GNAL: variants seen among roughly 807,000 people sequenced by gnomAD.
The protein encoded by GNAL is guanine nucleotide-binding protein G(olf) subunit alpha.
A neutral mutation model predicts 55.1 loss-of-function variants in GNAL; 18 were observed. That is an observed-to-expected ratio of 0.33 (90% CI 0.23 to 0.48). GNAL has a LOEUF of 0.48. GNAL is among the 20% of genes least tolerant of loss of function. GNAL has a pLI of 0.99. For missense variants in GNAL, 412 were observed against 614.1 expected (o/e 0.67, Z 3.48); for synonymous variants, 253 against 237.0 (o/e 1.07, Z -0.62).
In GNAL at chr18:11,860,615, T is replaced by A. The variant is rs142812980; in HGVS notation, c.723-1780T>A. 5.2e-3 allele frequency among the ~76,000 whole-genome samples: 797 copies of A among 152,340 alleles called. 5 individuals carry two copies. The highest frequency in any genetic ancestry group is 0.018 in the African/African-American group (742 of 41,584). ...CAAAGAAGCTGTTAGGACCGAGAGC[T>A]AATATACCCTTTTAACAAAAGATGA... On this transcript the variant is annotated intron_variant, in intron 5 of 11. Transcript: ENST00000334049.
At chr18:11,705,415 G>C (rs550729455) in intron 1 of GNAL, among the ~76,000 whole-genome samples, 8 of 152,180 alleles carry the variant, frequency 5.3e-5, no homozygotes, top group Admixed American at 3.3e-4. Context: ...TGCAGCAAAC[G>C]TAAGAGTGCA....
intron 4 of GNAL, among the ~76,000 whole-genome samples, chr18:11,762,627 ACCAAAAGC>A (rs2033280700): frequency 6.6e-6 from 1 of 152,166 alleles, no homozygotes; most frequent in African/African-American, 2.4e-5. Flanking sequence ...TTCCCTGCAG[ACCAAAAGC>A]CCAGTCAGGC....
intron 1 of GNAL, among the ~76,000 whole-genome samples, chr18:11,732,011 C>T (rs1374722206): frequency 1.3e-5 from 2 of 152,090 alleles, no homozygotes; most frequent in Non-Finnish European, 2.9e-5. Flanking sequence ...ACATACATCT[C>T]TACTTCATTC....
intron 4 of GNAL, among the ~76,000 whole-genome samples, chr18:11,823,324 CA>C (rs1421598493): frequency 2.0e-5 from 3 of 152,162 alleles, no homozygotes; most frequent in African/African-American, 7.2e-5. Flanking sequence ...CCACCCCCTT[CA>C]GGGGGAGAAT....
At chr18:11,824,383 T>C (rs1475629178) in intron 4 of GNAL, among the ~76,000 whole-genome samples, 4 of 152,146 alleles carry the variant, frequency 2.6e-5, no homozygotes, top group Admixed American at 6.5e-5. Flanking sequence ...TGGGGGACTT[T>C]CCAGAATGAT....
At chr18:11,822,799 A>ATTTTCTTT (rs1568043064) in intron 4 of GNAL, among the ~76,000 whole-genome samples, 6 of 115,578 alleles carry the variant, frequency 5.2e-5, no homozygotes, top group Non-Finnish European at 7.0e-5. Flanking sequence ...CTGGAGCAAT[A>ATTTTCTTT]TTGTTTTTCT....
intron 1 of GNAL, among the ~76,000 whole-genome samples, chr18:11,746,495 A>G (rs2032690440): frequency 6.6e-6 from 1 of 152,204 alleles, no homozygotes; most frequent in Non-Finnish European, 1.5e-5. Flanking sequence ...CTGTAGTCCC[A>G]GCTACTTGGG....
chr18:11,869,025 T>C (rs867071055), intron 9 of GNAL, among the ~76,000 whole-genome samples: 1 of 151,592 alleles, frequency 6.6e-6, no homozygotes, highest in African/African-American at 2.4e-5. Context: ...CACACATACC[T>C]ACACCCACAC....
chr18:11,788,828 C>G lies in GNAL; in HGVS notation c.624+34883C>G, dbSNP rs563620708. 1.7e-4 allele frequency among the ~76,000 whole-genome samples: 24 copies of G among 143,502 alleles called. 1 individual carries two copies. In the South Asian group the frequency reaches 5.3e-3, roughly 32 times the overall value. The allele number at this position is 143,502 out of a possible 152,430, so 94.1% of individuals were successfully genotyped here. A position where few individuals can be genotyped will look rare whatever the true frequency, so the allele number is the denominator to read the frequency against. On this transcript the variant is annotated intron_variant, in intron 4 of 11. Transcript: ENST00000334049. ...AGGAGAATCGCTTGAATCTGGGAGGCAGAGGTTGCAGTGAGCAGAGATCAC... is the reference window on the plus strand; with the variant it reads ...AGGAGAATCGCTTGAATCTGGGAGGGAGAGGTTGCAGTGAGCAGAGATCAC...
chr18:11,867,614 A>T (rs957913114), intron 8 of GNAL, among the ~76,000 whole-genome samples: 6 of 151,770 alleles, frequency 4.0e-5, no homozygotes, highest in African/African-American at 1.5e-4. Flanking sequence ...GGAGATCGAG[A>T]CCATCCTGGC....
At chr18:11,717,491 C>G (rs551240110) in intron 1 of GNAL, among the ~76,000 whole-genome samples, 1 of 152,170 alleles carries the variant, frequency 6.6e-6, no homozygotes, top group South Asian at 2.1e-4. Context: ...CATATGCACA[C>G]GAATGTTCAT....
intron 4 of GNAL, among the ~76,000 whole-genome samples, chr18:11,795,157 T>C (rs1042458817): frequency 6.6e-6 from 1 of 152,070 alleles, no homozygotes; most frequent in African/African-American, 2.4e-5. Context: ...CCCAGCACTT[T>C]GGGAGCTGGA....
chr18:11,752,671 G>A lies in GNAL; in HGVS notation c.377-182G>A. 7.7e-7 allele frequency: 1 copy of A among 1,306,448 alleles called. No individual in the cohort carries two copies. The highest frequency in any genetic ancestry group is 1.6e-5 in the African/African-American group (1 of 63,642). 80.9% of individuals were successfully genotyped at this position (1,306,448 alleles called of 1,614,324 possible). A position where few individuals can be genotyped will look rare whatever the true frequency, so the allele number is the denominator to read the frequency against. ...AGGCTGGGCGGGCAGGGCCGGGCGA[G>A]GGTCGCGCGCACCTCTGGGCCGCGG... On this transcript the variant is annotated intron_variant, in intron 1 of 11. Transcript: ENST00000334049. This position sits in a 1 kb window ranked among gnomAD's most constrained non-coding sequence, Gnocchi z 4.5.
intron 5 of GNAL, among the ~76,000 whole-genome samples, chr18:11,828,039 A>G (rs2035292964): frequency 6.6e-6 from 1 of 151,618 alleles, no homozygotes. Flanking sequence ...CCTTGAGTTT[A>G]CATTTGTGAA....
chr18:11,733,422 A>G (rs1195901183), intron 1 of GNAL, among the ~76,000 whole-genome samples: 1 of 152,238 alleles, frequency 6.6e-6, no homozygotes, highest in East Asian at 1.9e-4. Flanking sequence ...CTTGCTGGAC[A>G]CAGCCAGTTC....
In GNAL at chr18:11,689,356, T is replaced by TG. The variant is rs2031160334; in HGVS notation, c.-204dup. On this transcript the variant is annotated 5_prime_UTR_variant, in exon 1 of 12. An upstream open reading frame in the 5' UTR loses its in-frame stop. Coordinates refer to ENST00000334049, the MANE Select transcript of GNAL (RefSeq NM_182978.4). Reference sequence around the variant, plus strand: ...CAGCAGAAAATGCAAAATGACCCTCTGGGGCAGTGAGGGGCTGTGGCCCTC... The same window carrying TG: ...CAGCAGAAAATGCAAAATGACCCTCTGGGGGCAGTGAGGGGCTGTGGCCCTC... 1 of 346,436 alleles carries TG rather than the reference T, an allele frequency of 2.9e-6. No individual in the cohort carries two copies. Among genetic ancestry groups the TG allele is most frequent in the East Asian group, 4.4e-5 (1 of 22,870 alleles). The allele number at this position is 346,436 out of a possible 1,614,324, so 21.5% of individuals were successfully genotyped here. A position where few individuals can be genotyped will look rare whatever the true frequency, so the allele number is the denominator to read the frequency against.
intron 5 of GNAL, among the ~76,000 whole-genome samples, chr18:11,828,661 T>TA (rs112211966): frequency 0.24 from 35,770 of 146,512 alleles, 4,825 homozygotes; most frequent in African/African-American, 0.37. Context: ...TTTTCTGTTG[T>TA]AAAAAAAAAA....
At position 11,756,295 on chromosome 18, in the gene GNAL, G is replaced by A. The variant is rs190344600; in HGVS notation, c.624+2350G>A. On this transcript the variant is annotated intron_variant, in intron 4 of 11. Transcript: ENST00000334049. ...GAGAAACCATTTGCTTTGAATGCAT[G>A]TATTTTCAGATAGATAAATTAAGGT... Among the ~76,000 whole-genome samples, 59 of 152,244 alleles carry A rather than the reference G, an allele frequency of 3.9e-4. 2 individuals carry two copies. In the East Asian group the frequency reaches 0.011, roughly 28 times the overall value.
intron 4 of GNAL, among the ~76,000 whole-genome samples, chr18:11,821,044 CCAA>C (rs1315776372): frequency 6.6e-6 from 1 of 152,196 alleles, no homozygotes; most frequent in Non-Finnish European, 1.5e-5. Context: ...TGAATCTTAC[CCAA>C]CAACAGGACA....
Sources: gnomAD v4.1 joint callset for allele counts (sites outside exome capture counted in the v4.1 genomes callset) on GRCh38, gnomAD v4.1.1 for gene constraint, Gnocchi (gnomAD v3.1) non-coding constraint, MANE v1.5 for transcripts, NCBI Gene and HGNC (gene_info 2026-07-23, HGNC 2026-07-21) for gene names.